The following FRMPD2 variants were observed in gnomAD, a reference collection of about 807,000 sequenced individuals.
The protein encoded by FRMPD2 is FERM and PDZ domain containing 2.
In FRMPD2, 96 loss-of-function variants were observed where a neutral mutation model predicts 140.1. That is an observed-to-expected ratio of 0.69 (90% CI 0.58 to 0.81). The LOEUF is 0.81. Among genes scored for constraint, FRMPD2 ranks in the 40% least tolerant of loss-of-function variants. The probability of loss-of-function intolerance (pLI) is 0.00; values close to 1 mark genes in which losing one functional copy is unlikely to be tolerated. For missense variants in FRMPD2, 1,240 were observed against 1,447.4 expected, an observed-to-expected ratio of 0.86 and a Z score of 2.32; for synonymous variants, 449 against 547.6, an observed-to-expected ratio of 0.82 and a Z score of 2.52.
chr10:48,263,220 A>T (rs1356305237), intron 1 of FRMPD2, among the ~76,000 whole-genome samples: 1 of 152,152 alleles, frequency 6.6e-6, no homozygotes, highest in Admixed American at 6.5e-5. Flanking sequence ...TAGAAGAAAG[A>T]TCTAAAATTA....
At chr10:48,248,322 C>T (rs995978487) in intron 3 of FRMPD2, among the ~76,000 whole-genome samples, 35 of 152,110 alleles carry the variant, frequency 2.3e-4, no homozygotes, top group African/African-American at 8.5e-4. Flanking sequence ...CAAAACATGT[C>T]CATTGTTGAA....
At chr10:48,222,563 C>A in intron 11 of FRMPD2, 112 bp from the exon 12 acceptor site, 1 of 1,118,582 alleles carries the variant, frequency 8.9e-7, no homozygotes, top group African/African-American at 1.5e-5. Flanking sequence ...AGACGAGATG[C>A]AACTCAATAG....
intron 13 of FRMPD2, among the ~76,000 whole-genome samples, chr10:48,208,740 T>C (rs943652909): frequency 3.9e-5 from 6 of 152,180 alleles, no homozygotes; most frequent in African/African-American, 1.4e-4. Context: ...CCCCTTTGCA[T>C]TGCTATTGCT....
intron 10 of FRMPD2, among the ~76,000 whole-genome samples, chr10:48,228,274 T>C (rs1013598975): frequency 6.6e-6 from 1 of 151,928 alleles, no homozygotes; most frequent in East Asian, 1.9e-4. Context: ...ATAAATGAAA[T>C]AGAGTATAAG....
intron 14 of FRMPD2, chr10:48,201,755 A>G (rs1247508684): frequency 6.4e-6 from 1 of 156,280 alleles, no homozygotes; most frequent in African/African-American, 2.4e-5. Context: ...AAACTCCAAG[A>G]AGTTGTAGAC....
Position 48,223,234 on chromosome 10 carries a change from AAT to A in FRMPD2, c.1203_1204del (p.Arg401SerfsTer7). ...CCAGCCTTCAGGAGCTATTTTGCAC[AAT>A]CTGGTTTCACTGTCCAGGAAAAAGA... is the stretch of plus-strand genomic sequence containing the variant. On this transcript the variant is annotated frameshift_variant, in exon 11 of 29. Transcript: ENST00000374201. LOFTEE classifies it high-confidence loss of function. 6.2e-7 allele frequency: 1 copy of A among 1,613,866 alleles called. No individual in the cohort carries two copies. The highest frequency in any genetic ancestry group is 1.1e-5 in the South Asian group (1 of 91,054).
At chr10:48,186,367 GGCTGTGTCCCCACCCAAATC>G (rs1296960114) in intron 17 of FRMPD2, among the ~76,000 whole-genome samples, 1 of 152,168 alleles carries the variant, frequency 6.6e-6, no homozygotes, top group Non-Finnish European at 1.5e-5. Context: ...GATATGGTTT[GGCTGTGTCCCCACCCAAATC>G]TCAACTTGAA....
At chr10:48,250,130 C>G (rs888897768) in intron 2 of FRMPD2, among the ~76,000 whole-genome samples, 5 of 152,190 alleles carry the variant, frequency 3.3e-5, no homozygotes, top group African/African-American at 9.6e-5. Context: ...AGAGAGGTGA[C>G]TCGCCCGAGC....
At chr10:48,211,648 G>C (rs1417884992) in intron 13 of FRMPD2, among the ~76,000 whole-genome samples, 1 of 151,942 alleles carries the variant, frequency 6.6e-6, no homozygotes, top group African/African-American at 2.4e-5. Flanking sequence ...TGGGTATGGT[G>C]GCAGGCGCCT....
chr10:48,181,913 G>A lies in FRMPD2; in HGVS notation c.2585-905C>T, dbSNP rs79228581. Among the ~76,000 whole-genome samples, 239 of 57,130 alleles carry A rather than the reference G, an allele frequency of 4.2e-3. 2 individuals are homozygous for A. Among genetic ancestry groups the A allele is most frequent in the African/African-American group, 0.015 (226 of 14,960 alleles). 37.5% of individuals were successfully genotyped at this position (57,130 alleles called of 152,430 possible). ...ACACACACACACACACACACACACA[G>A]ACACGCACAGCTTAGTACATGGTAG... On this transcript the variant is annotated intron_variant, in intron 20 of 28. Transcript: ENST00000374201.
intron 10 of FRMPD2, among the ~76,000 whole-genome samples, chr10:48,225,023 T>A (rs1839691460): frequency 6.6e-6 from 1 of 152,146 alleles, no homozygotes; most frequent in Admixed American, 6.5e-5. Context: ...CCCTGCTTGG[T>A]ACAAAGAATA....
intron 13 of FRMPD2, among the ~76,000 whole-genome samples, chr10:48,208,122 C>T (rs1045308342): frequency 6.6e-6 from 1 of 152,114 alleles, no homozygotes; most frequent in African/African-American, 2.4e-5. Flanking sequence ...AGCGCTGGTG[C>T]TGAAATATCC....
At chr10:48,238,994 TTCTCTCTG>T (rs894411484) in intron 7 of FRMPD2, among the ~76,000 whole-genome samples, 1 of 152,064 alleles carries the variant, frequency 6.6e-6, no homozygotes. Flanking sequence ...TCTCTCCTCT[TTCTCTCTG>T]TCTCTCTGTC....
At chr10:48,239,825 G>A (rs1055175405) in intron 6 of FRMPD2, 133 bp from the exon 7 acceptor site, 1 of 638,010 alleles carries the variant, frequency 1.6e-6, no homozygotes, top group African/African-American at 1.8e-5. Context: ...TAGCCTCTCT[G>A]AATCTGTTTC....
Position 48,201,246 on chromosome 10 carries a change from G to T in FRMPD2, c.1936C>A (p.Pro646Thr), listed in dbSNP as rs1482814528. ...TACTCACCAAATAAAACATGGGAAG[G>T]CTGCCCAGAGCCCATCTGTGCATTA... Reference protein sequence around the residue: ...GFNAQMGSGQPSHVLFDHDKF... With the variant: ...GFNAQMGSGQTSHVLFDHDKF... Residue 646 changes from proline (P) to threonine (T), a missense_variant, in exon 15 of 29, where the codon CCT becomes ACT. By Grantham distance (38) the Pro-to-Thr change is conservative. Transcript: ENST00000374201. 6.2e-7 allele frequency: 1 copy of T among 1,606,760 alleles called. No homozygotes were observed. Among genetic ancestry groups the T allele is most frequent in the South Asian group, 1.1e-5 (1 of 89,728 alleles).
chr10:48,184,721 TA>T (rs777162307), intron 19 of FRMPD2, 39 bp from the exon 20 acceptor site: 1 of 1,592,372 alleles, frequency 6.3e-7, no homozygotes, highest in East Asian at 2.2e-5. Context: ...TTCAAGGAAA[TA>T]AAAAAGAGTG....
chr10:48,249,607 A>G (rs946099872), intron 2 of FRMPD2, among the ~76,000 whole-genome samples: 2 of 152,210 alleles, frequency 1.3e-5, no homozygotes, highest in African/African-American at 4.8e-5. Context: ...AGCCTCCTCC[A>G]TAGGCCCATG....
chr10:48,205,301 T>A (rs1041192730), intron 14 of FRMPD2, among the ~76,000 whole-genome samples: 1 of 152,240 alleles, frequency 6.6e-6, no homozygotes, highest in African/African-American at 2.4e-5. Flanking sequence ...CCTGATGACT[T>A]CCCAGTTTTA....
intron 15 of FRMPD2, among the ~76,000 whole-genome samples, chr10:48,196,996 G>A (rs1216234793): frequency 6.6e-6 from 1 of 152,188 alleles, no homozygotes; most frequent in African/African-American, 2.4e-5. Context: ...CTCAGCAATA[G>A]CAGGTAAGTC....
Sources: gnomAD v4.1 joint callset for allele counts (sites outside exome capture counted in the v4.1 genomes callset) on GRCh38, gnomAD v4.1.1 for gene constraint, MANE v1.5 for transcripts, NCBI Gene and HGNC (gene_info 2026-07-23, HGNC 2026-07-21) for gene names.